PCBP3: variants seen among roughly 807,000 people sequenced by gnomAD.
PCBP3 encodes poly(rC) binding protein 3.
A neutral mutation model predicts 52.7 loss-of-function variants in PCBP3; 25 were observed. The ratio of observed to expected loss-of-function variants is 0.47; its 90% CI spans 0.35 to 0.66. The LOEUF (loss-of-function observed/expected upper bound fraction) is 0.66. Among genes scored for constraint, PCBP3 ranks in the 30% least tolerant of loss-of-function variants. The pLI, the probability that PCBP3 is intolerant of heterozygous loss-of-function variation, is 0.01. For synonymous variants in PCBP3, 162 were observed against 183.0 expected (o/e 0.89, Z 0.93); for missense variants, 391 against 490.3 (o/e 0.80, Z 1.91).
intron 13 of PCBP3, among the ~76,000 whole-genome samples, chr21:45,925,139 G>C (rs77298678): frequency 4.3e-5 from 1 of 23,198 alleles, no homozygotes; most frequent in African/African-American, 3.0e-4. Flanking sequence ...TCGGGTGTGC[G>C]TGAGGAGATG....
chr21:45,772,169 T>C (rs1466024779), intron 4 of PCBP3, among the ~76,000 whole-genome samples: 1 of 152,186 alleles, frequency 6.6e-6, no homozygotes, highest in African/African-American at 2.4e-5. Context: ...TCTATCTTAC[T>C]GAAGGTTTGT....
intron 1 of PCBP3, among the ~76,000 whole-genome samples, chr21:45,648,979 T>G (rs2079506595): frequency 6.6e-6 from 1 of 152,234 alleles, no homozygotes; most frequent in Non-Finnish European, 1.5e-5. Flanking sequence ...CCTTACAGTT[T>G]ATGGTGATTG....
At chr21:45,884,982 C>G (rs1199243781) in intron 5 of PCBP3, among the ~76,000 whole-genome samples, 4 of 152,166 alleles carry the variant, frequency 2.6e-5, no homozygotes, top group African/African-American at 9.7e-5. Context: ...TGAAGCCTTT[C>G]TATGCACTCA....
chr21:45,902,291 GGCCTGGCCTCC>G, intron 9 of PCBP3, among the ~76,000 whole-genome samples: 1 of 70,350 alleles, frequency 1.4e-5, no homozygotes, highest in South Asian at 3.6e-4. Context: ...TATCGTAGGT[GGCCTGGCCTCC>G]AAGGCTGGAC....
intron 5 of PCBP3, among the ~76,000 whole-genome samples, chr21:45,895,770 C>G (rs1001628347): frequency 6.6e-6 from 1 of 152,240 alleles, no homozygotes; most frequent in Admixed American, 6.5e-5. Flanking sequence ...GCTCCCACAC[C>G]CTGGTCAGGG....
At chr21:45,754,000 G>A (rs577323420) in intron 3 of PCBP3, among the ~76,000 whole-genome samples, 1 of 152,270 alleles carries the variant, frequency 6.6e-6, no homozygotes, top group South Asian at 2.1e-4. Flanking sequence ...TGGTGAGAAT[G>A]TGGGTAAAAA....
At chr21:45,859,805 C>G (rs1193025727) in intron 5 of PCBP3, 1 of 152,392 alleles carries the variant, frequency 6.6e-6, no homozygotes, top group East Asian at 1.9e-4. Context: ...GTCTCCACAC[C>G]CGGGTCACAG....
rs569372177 is a variant in PCBP3 at position 45,913,778 on chromosome 21, G to C, written c.601-173G>C. On this transcript the variant is annotated intron_variant, in intron 11 of 17. Transcript: ENST00000681687. ...ATAAGACAGCCACACAGAGGGTGTG[G>C]GGGCTGGAGGTCTTCACTCCCCTCC... Among the ~76,000 whole-genome samples the C allele has an allele frequency of 2.0e-4, 31 of 152,298 alleles. 1 individual carries two copies. The South Asian group carries it at 5.8e-3, about 29-fold the overall frequency.
Position 45,743,602 on chromosome 21 carries a change from T to C in PCBP3, c.-162+8173T>C, listed in dbSNP as rs9982180. On this transcript the variant is annotated intron_variant, in intron 3 of 17. Transcript: ENST00000681687. ...ATTATAATATGCTCCCAGTATCTTA[T>C]TGGGACTAGAATAAGGGTTAATAAT... 7.6e-3 allele frequency among the ~76,000 whole-genome samples: 1,158 copies of C among 152,242 alleles called. 15 individuals are homozygous for C. The highest frequency in any genetic ancestry group is 0.026 in the African/African-American group (1,092 of 41,542).
chr21:45,658,606 G>T (rs1189051750), intron 1 of PCBP3, among the ~76,000 whole-genome samples: 4 of 152,110 alleles, frequency 2.6e-5, no homozygotes, highest in Admixed American at 6.5e-5. Context: ...ACCCAGCCTT[G>T]TTAAGGATTT....
At chr21:45,772,509 G>A (rs1156910389) in intron 4 of PCBP3, among the ~76,000 whole-genome samples, 1 of 152,102 alleles carries the variant, frequency 6.6e-6, no homozygotes, top group Non-Finnish European at 1.5e-5. Flanking sequence ...ATTGTGAATA[G>A]TACTGCAATA....
chr21:45,896,256 C>T lies in PCBP3; in HGVS notation c.59C>T (p.Thr20Ile), dbSNP rs370746508. 1.1e-5 allele frequency: 17 copies of T among 1,552,114 alleles called. No individual in the cohort carries two copies. The highest frequency in any genetic ancestry group is 2.7e-5 in the African/African-American group (2 of 73,068). Residue 20 changes from threonine (T) to isoleucine (I), a missense_variant, in exon 6 of 18, where the codon ACC (threonine) becomes ATC (isoleucine). Coordinates refer to ENST00000681687, the MANE Select transcript of PCBP3 (RefSeq NM_001384156.1). ...GTCCTTCCTCACAGCACCCTCAGCACCTTAAGCCACCACCCTCAGCCACAA... is the reference window on the plus strand; with the variant it reads ...GTCCTTCCTCACAGCACCCTCAGCATCTTAAGCCACCACCCTCAGCCACAA... ...PSVLPHSTLS[T>I]LSHHPQPQFG...
intron 4 of PCBP3, among the ~76,000 whole-genome samples, chr21:45,822,352 A>G (rs555737553): frequency 3.3e-5 from 5 of 152,292 alleles, no homozygotes; most frequent in East Asian, 3.9e-4. Flanking sequence ...GTTCTTTTAA[A>G]TGTTTCATGG....
Position 45,744,113 on chromosome 21 carries a change from A to G in PCBP3, c.-162+8684A>G, listed in dbSNP as rs2086651222. On this transcript the variant is annotated intron_variant, in intron 3 of 17. Transcript: ENST00000681687. ...TAGGTATATAGGTAAAAATGTGTATATGTTTTATATATATATATACATATG... is the reference window on the plus strand; with the variant it reads ...TAGGTATATAGGTAAAAATGTGTATGTGTTTTATATATATATATACATATG... The G allele has an allele frequency of 4.9e-5, 7 of 143,276 alleles. No homozygotes were observed. In the South Asian group the frequency reaches 1.6e-3, roughly 33 times the overall value. The allele number at this position is 143,276 out of a possible 1,614,324, so 8.9% of individuals were successfully genotyped here.
intron 16 of PCBP3, among the ~76,000 whole-genome samples, chr21:45,936,406 A>G (rs762612172): frequency 1.3e-5 from 2 of 152,208 alleles, no homozygotes; most frequent in Non-Finnish European, 2.9e-5. Context: ...ATGTCTGCTA[A>G]AAGAAGCTCA....
intron 4 of PCBP3, among the ~76,000 whole-genome samples, chr21:45,767,196 C>CTT (rs1569199936): frequency 2.6e-5 from 4 of 152,138 alleles, no homozygotes; most frequent in African/African-American, 9.7e-5. Flanking sequence ...GCCCTGTGCC[C>CTT]GTTAAGCAGT....
chr21:45,748,698 G>C (rs962432631), intron 3 of PCBP3, among the ~76,000 whole-genome samples: 3 of 152,242 alleles, frequency 2.0e-5, no homozygotes, highest in Non-Finnish European at 4.4e-5. Context: ...GTTGCAGTTG[G>C]GGGCAGGTGT....
At chr21:45,691,413 TATATATATATAAAATATATATATC>T (rs1472225032) in intron 2 of PCBP3, among the ~76,000 whole-genome samples, 6 of 141,552 alleles carry the variant, frequency 4.2e-5, no homozygotes, top group Admixed American at 2.2e-4. Context: ...ATATATATAT[TATATATATATAAAATATATATATC>T]ATATATATGT....
chr21:45,764,541 G>A (rs866152219), intron 4 of PCBP3, among the ~76,000 whole-genome samples: 1 of 152,162 alleles, frequency 6.6e-6, no homozygotes, highest in East Asian at 1.9e-4. Context: ...GACCACTTCC[G>A]TTAACCCTGC....
Sources: gnomAD v4.1 joint callset for allele counts (sites outside exome capture counted in the v4.1 genomes callset) on GRCh38, gnomAD v4.1.1 for gene constraint, MANE v1.5 for transcripts, NCBI Gene and HGNC (gene_info 2026-07-23, HGNC 2026-07-21) for gene names.